ZNF564: variants seen among roughly 807,000 people sequenced by gnomAD.
ZNF564 encodes zinc finger protein 564.
ZNF564 carries 5 observed loss-of-function variants against 10.5 expected under a neutral mutation model. That is an observed-to-expected ratio of 0.48 (90% CI 0.25 to 1.00). ZNF564 has a LOEUF of 1.00. ZNF564 is among the 50% of genes least tolerant of loss of function. ZNF564 has a pLI of 0.16. For synonymous variants in ZNF564, 242 were observed against 218.1 expected (o/e 1.11, Z -0.97); for missense variants, 603 against 669.7 (o/e 0.90, Z 1.10).
chr19:12,543,648 G>A (rs908649170), intron 1 of ZNF564, among the ~76,000 whole-genome samples: 9 of 148,160 alleles, frequency 6.1e-5, no homozygotes, highest in East Asian at 2.0e-4. Context: ...CACTCCAGAC[G>A]GGGCAACAAA....
rs1568261271 is a variant in ZNF564 at position 12,527,489 on chromosome 19, C to T, written c.619G>A (p.Asp207Asn). The change falls in exon 4 of 4, where the codon GAT becomes AAT. Residue 207 changes from aspartate to asparagine, a missense_variant. Asp to Asn is a conservative substitution (Grantham distance 23, BLOSUM62 1). Transcript: ENST00000339282. ...YKCQECGKAF[D>N]RPSLFQIHER... ...TGTATCTGAAATAAACTTGGGCGATCAAAGGCTTTCCCACATTCCTGACAT... is the reference window on the plus strand; with the variant it reads ...TGTATCTGAAATAAACTTGGGCGATTAAAGGCTTTCCCACATTCCTGACAT... 1 of 1,613,970 alleles carries T rather than the reference C, an allele frequency of 6.2e-7. No individual in the cohort carries two copies. Among genetic ancestry groups the T allele is most frequent in the Non-Finnish European group, 8.5e-7 (1 of 1,179,966 alleles).
intron 1 of ZNF564, among the ~76,000 whole-genome samples, chr19:12,547,361 C>G (rs2022174334): frequency 6.6e-6 from 1 of 152,126 alleles, no homozygotes; most frequent in African/African-American, 2.4e-5. Context: ...ACCAGAAAAG[C>G]CTTTTTCTGC....
At chr19:12,545,262 CAAAAAAAAAAAA>C (rs534783270) in intron 1 of ZNF564, among the ~76,000 whole-genome samples, 1 of 57,412 alleles carries the variant, frequency 1.7e-5, no homozygotes. Context: ...AATTCCGTCT[CAAAAAAAAAAAA>C]AAAAAAAAGA....
intron 1 of ZNF564, among the ~76,000 whole-genome samples, chr19:12,534,335 G>T (rs530098892): frequency 5.2e-4 from 79 of 152,260 alleles, no homozygotes; most frequent in Non-Finnish European, 1.5e-4. Context: ...TGCATATTTT[G>T]TCACTGGGGA....
chr19:12,535,873 C>G (rs868473459), intron 1 of ZNF564, among the ~76,000 whole-genome samples: 1 of 151,826 alleles, frequency 6.6e-6, no homozygotes, highest in African/African-American at 2.4e-5. Flanking sequence ...ATTAGCTGGG[C>G]GGAGTGGTGC....
chr19:12,544,085 A>C (rs576230827), intron 1 of ZNF564, among the ~76,000 whole-genome samples: 2 of 152,302 alleles, frequency 1.3e-5, no homozygotes, highest in Non-Finnish European at 1.5e-5. Flanking sequence ...TGTGCTGTTC[A>C]AGCCACCCAG....
chr19:12,531,577 A>T (rs1225095972), intron 1 of ZNF564, among the ~76,000 whole-genome samples: 1 of 152,014 alleles, frequency 6.6e-6, no homozygotes, highest in Admixed American at 6.6e-5. Context: ...AAAATAAAAA[A>T]AAAAATAGGA....
chr19:12,540,119 C>T (rs2022013193), intron 1 of ZNF564, among the ~76,000 whole-genome samples: 2 of 152,110 alleles, frequency 1.3e-5, no homozygotes, highest in African/African-American at 4.8e-5. Context: ...GTTGAGTACA[C>T]AGGTTAAGAA....
At position 12,538,577 on chromosome 19, in the gene ZNF564, A is replaced by G. The variant is rs2021965399; in HGVS notation, c.4-9881T>C. Among the ~76,000 whole-genome samples, 4 of 152,124 alleles carry G rather than the reference A, an allele frequency of 2.6e-5. No individual in the cohort carries two copies. The South Asian group carries it at 8.3e-4, about 32-fold the overall frequency. On this transcript the variant is annotated intron_variant, in intron 1 of 3. Coordinates refer to ENST00000339282, the MANE Select transcript of ZNF564 (RefSeq NM_144976.4). The stretch of plus-strand genomic sequence containing the variant: ...GAGGCGGAGGTTGCAGTGAGCCAAG[A>G]TTGCGCCATTGCATTCCAGCCTGGG...
chr19:12,546,453 G>C (rs1165517752), intron 1 of ZNF564, among the ~76,000 whole-genome samples: 2 of 152,218 alleles, frequency 1.3e-5, no homozygotes, highest in Non-Finnish European at 2.9e-5. Context: ...AGGCGGCTGG[G>C]TGCAGTGGCT....
chr19:12,551,231 G>A, intron 1 of ZNF564, 99 bp downstream of exon 1: 7 of 1,373,190 alleles, frequency 5.1e-6, no homozygotes, highest in Non-Finnish European at 6.1e-6. Flanking sequence ...CCAGACCCTG[G>A]AGTCGCTGCA....
intron 1 of ZNF564, among the ~76,000 whole-genome samples, chr19:12,539,850 G>A (rs1039141938): frequency 7.6e-5 from 11 of 144,330 alleles, no homozygotes; most frequent in Middle Eastern, 4.0e-3. Flanking sequence ...GTGTGGTGGT[G>A]GGCGCCTGTA....
chr19:12,536,703 A>C (rs1599281644), intron 1 of ZNF564, among the ~76,000 whole-genome samples: 1 of 152,154 alleles, frequency 6.6e-6, no homozygotes, highest in African/African-American at 2.4e-5. Context: ...GACTTCGTAT[A>C]AGATATGTAT....
intron 1 of ZNF564, among the ~76,000 whole-genome samples, chr19:12,530,626 A>G (rs2021781992): frequency 6.6e-6 from 1 of 152,300 alleles, no homozygotes; most frequent in East Asian, 1.9e-4. Flanking sequence ...TATAAAATAC[A>G]CGAAGGGATC....
chr19:12,536,465 C>A (rs980930502), intron 1 of ZNF564, among the ~76,000 whole-genome samples: 32 of 152,186 alleles, frequency 2.1e-4, no homozygotes, highest in Middle Eastern at 3.2e-3. Flanking sequence ...GCGTAAGCCA[C>A]CACGCCTGGC....
At chr19:12,532,124 G>A (rs1319441975) in intron 1 of ZNF564, among the ~76,000 whole-genome samples, 24 of 152,044 alleles carry the variant, frequency 1.6e-4, no homozygotes, top group Admixed American at 1.5e-3. Flanking sequence ...CTGAGATGGA[G>A]GATCACCTGA....
At position 12,526,779 on chromosome 19, in the gene ZNF564, GT is replaced by G; in HGVS notation, c.1328del (p.His443ProfsTer92). The G allele has an allele frequency of 1.9e-6, 3 of 1,614,130 alleles. No individual in the cohort carries two copies. Among genetic ancestry groups the G allele is most frequent in the Non-Finnish European group, 2.5e-6 (3 of 1,180,030 alleles). ...LKRIRKHMIL[H>X]TGDGPYKCQV... is the part of the protein sequence containing the mutation. ...GACATTTATAAGGTCCATCTCCAGT[GT>G]GCAGTATCATATGTTTTCTAATCCT... is the stretch of plus-strand genomic sequence containing the variant. On this transcript the variant is annotated frameshift_variant, in exon 4 of 4. Transcript: ENST00000339282. LOFTEE classifies it low-confidence loss of function (END_TRUNC).
chr19:12,542,347 A>G (rs1445905457), intron 1 of ZNF564, among the ~76,000 whole-genome samples: 5 of 150,548 alleles, frequency 3.3e-5, no homozygotes, highest in African/African-American at 1.2e-4. Context: ...AAGAAACACT[A>G]CTTCTAGGCC....
At chr19:12,540,925 T>A (rs944747814) in intron 1 of ZNF564, among the ~76,000 whole-genome samples, 2 of 150,006 alleles carry the variant, frequency 1.3e-5, no homozygotes, top group East Asian at 3.9e-4. Flanking sequence ...GGTAGGAGAA[T>A]TGCTTGAACC....
Sources: gnomAD v4.1 joint callset for allele counts (sites outside exome capture counted in the v4.1 genomes callset) on GRCh38, gnomAD v4.1.1 for gene constraint, MANE v1.5 for transcripts, NCBI Gene and HGNC (gene_info 2026-07-23, HGNC 2026-07-21) for gene names.